Variants in ACTMAP observed in about 807,000 individuals in gnomAD.
The protein encoded by ACTMAP is actin maturation protease.
the ACTMAP span, chr19:40,749,405 C>CA: frequency 6.7e-5 from 29 of 436,040 alleles, no homozygotes; most frequent in Non-Finnish European, 8.7e-5. Flanking sequence ...GACACGGGAA[C>CA]CCCCCCCCCA....
chr19:40,742,445 G>C, the ACTMAP span: 1 of 1,463,330 alleles, frequency 6.8e-7, no homozygotes, highest in South Asian at 1.4e-5. Context: ...AATGGCTGCA[G>C]TCCTGTGGTG....
chr19:40,743,143 C>A, the ACTMAP span, among the ~76,000 whole-genome samples: 2 of 152,224 alleles, frequency 1.3e-5, no homozygotes, highest in East Asian at 3.9e-4. Flanking sequence ...TGACGCGGAC[C>A]AACCTGGCCT....
At chr19:40,743,083 C>G in the ACTMAP span, among the ~76,000 whole-genome samples, 11 of 152,256 alleles carry the variant, frequency 7.2e-5, no homozygotes, top group African/African-American at 2.6e-4. Flanking sequence ...GAGGAGCTGT[C>G]AAGACCACAA....
At chr19:40,742,841 C>T in the ACTMAP span, 36 of 1,417,550 alleles carry the variant, frequency 2.5e-5, 1 homozygote, top group Admixed American at 6.5e-4. Flanking sequence ...CACTAAGTTC[C>T]GCCCTCTCCC....
chr19:40,744,466 A>G, the ACTMAP span: 4 of 1,542,758 alleles, frequency 2.6e-6, no homozygotes, highest in Non-Finnish European at 3.5e-6. Context: ...GAATGGAATG[A>G]GACACCCTGA....
chr19:40,750,406 C>T, the ACTMAP span: 2 of 152,202 alleles, frequency 1.3e-5, no homozygotes, highest in Non-Finnish European at 2.9e-5. Context: ...ACTCAGAGAT[C>T]AGAGGCCGGT....
the ACTMAP span, chr19:40,749,874 C>T: frequency 1.7e-6 from 2 of 1,187,642 alleles, no homozygotes; most frequent in Non-Finnish European, 1.1e-6. Flanking sequence ...GGAGAACGGT[C>T]TCAGGGATGG....
chr19:40,742,790 G>T, the ACTMAP span: 2 of 1,589,666 alleles, frequency 1.3e-6, no homozygotes, highest in Non-Finnish European at 1.7e-6. Flanking sequence ...AGGAGAAGGT[G>T]GTGAGTGGCA....
chr19:40,746,846 G>A, the ACTMAP span, among the ~76,000 whole-genome samples: 1 of 151,738 alleles, frequency 6.6e-6, no homozygotes, highest in African/African-American at 2.4e-5. Flanking sequence ...TTGCTCTGTC[G>A]CCCGGGCTGG....
chr19:40,750,264 G>C, the ACTMAP span: 2 of 153,156 alleles, frequency 1.3e-5, no homozygotes, highest in Admixed American at 1.3e-4. Flanking sequence ...CCAGGCCCGA[G>C]TTCGGAACCT....
chr19:40,741,758 C>T, the ACTMAP span: 3 of 456,534 alleles, frequency 6.6e-6, no homozygotes, highest in African/African-American at 6.0e-5. Context: ...TCAGTCTTGC[C>T]ATCTGTCAAA....
chr19:40,747,538 C>CTAA, the ACTMAP span, among the ~76,000 whole-genome samples: 1 of 151,088 alleles, frequency 6.6e-6, no homozygotes, highest in African/African-American at 2.5e-5. Flanking sequence ...AACTCCATCT[C>CTAA]TAAATAAATA....
chr19:40,747,918 T>C, the ACTMAP span, among the ~76,000 whole-genome samples: 35 of 152,188 alleles, frequency 2.3e-4, no homozygotes, highest in African/African-American at 7.9e-4. Context: ...GAGTTCAAAT[T>C]GGACTCTTCC....
the ACTMAP span, chr19:40,743,789 C>T: frequency 7.4e-7 from 1 of 1,345,934 alleles, no homozygotes; most frequent in Non-Finnish European, 1.1e-6. Context: ...GGTGCTAATG[C>T]TAAGTGCCCA....
chr19:40,742,253 G>T, the ACTMAP span: 1 of 746,110 alleles, frequency 1.3e-6, no homozygotes, highest in South Asian at 1.5e-5. Flanking sequence ...CCGGGCTGTT[G>T]TCAATCTCTC....
chr19:40,745,233 A>AGCTCT, the ACTMAP span: 1 of 1,549,400 alleles, frequency 6.5e-7, no homozygotes, highest in African/African-American at 1.4e-5. Context: ...CCAGGGAGCC[A>AGCTCT]GCTCTGAAGC....
the ACTMAP span, among the ~76,000 whole-genome samples, chr19:40,743,599 C>T: frequency 6.6e-6 from 1 of 152,140 alleles, no homozygotes; most frequent in South Asian, 2.1e-4. Context: ...GTACTGTTAC[C>T]CCCAATTTCC....
the ACTMAP span, among the ~76,000 whole-genome samples, chr19:40,746,278 G>C: frequency 1.3e-5 from 2 of 151,878 alleles, no homozygotes; most frequent in Non-Finnish European, 2.9e-5. Context: ...GGAGTGCAAT[G>C]GTGCGATCTT....
At chr19:40,746,505 A>G in the ACTMAP span, among the ~76,000 whole-genome samples, 7 of 151,664 alleles carry the variant, frequency 4.6e-5, no homozygotes, top group Non-Finnish European at 1.0e-4. Context: ...CCTCCCGAAT[A>G]GCTGGGACTG....
Sources: gnomAD v4.1 joint callset for allele counts (sites outside exome capture counted in the v4.1 genomes callset) on GRCh38, gnomAD v4.1.1 for gene constraint, MANE v1.5 for transcripts, NCBI Gene and HGNC (gene_info 2026-07-23, HGNC 2026-07-21) for gene names.